The following ACBD6 variants were observed in gnomAD, a reference collection of about 807,000 sequenced individuals.
ACBD6 encodes the protein acyl-CoA-binding domain-containing protein 6.
A neutral mutation model predicts 37.2 loss-of-function variants in ACBD6; 28 were observed. The observed-to-expected ratio is 0.75, with a 90% CI of 0.56 to 1.03. The LOEUF is 1.03. Ranked by LOEUF, ACBD6 falls within the 50% of genes least tolerant of loss-of-function variation. The pLI, the probability that ACBD6 is intolerant of heterozygous loss-of-function variation, is 0.00. For missense variants in ACBD6, 340 were observed against 337.4 expected (o/e 1.01, Z -0.06); for synonymous variants, 113 against 126.8 (o/e 0.89, Z 0.73).
chr1:180,315,448 A>AC (rs1251216669), intron 6 of ACBD6, among the ~76,000 whole-genome samples: 1 of 152,258 alleles, frequency 6.6e-6, no homozygotes, highest in African/African-American at 2.4e-5. Flanking sequence ...TACACAAGTG[A>AC]AAAGCACAAT....
downstream of ACBD6, among the ~76,000 whole-genome samples, chr1:180,286,541 C>G (rs1649505580): frequency 6.6e-6 from 1 of 152,180 alleles, no homozygotes. Context: ...TTCACTATAA[C>G]TAATGTATGT....
intron 5 of ACBD6, among the ~76,000 whole-genome samples, chr1:180,400,394 T>G (rs537154312): frequency 6.6e-6 from 1 of 152,368 alleles, no homozygotes; most frequent in African/African-American, 2.4e-5. Context: ...ATTATTTTAA[T>G]GGTACACTAA....
chr1:180,364,526 G>T (rs1489808860), intron 6 of ACBD6, among the ~76,000 whole-genome samples: 6 of 152,200 alleles, frequency 3.9e-5, no homozygotes, highest in Admixed American at 3.9e-4. Context: ...GAACTAAAAC[G>T]AGAGTGAGTT....
chr1:180,429,025 T>C (rs1162864736), intron 4 of ACBD6, among the ~76,000 whole-genome samples: 5 of 152,166 alleles, frequency 3.3e-5, no homozygotes, highest in African/African-American at 1.2e-4. Flanking sequence ...AAGTTCTGAG[T>C]ACTTTCACTG....
intron 6 of ACBD6, among the ~76,000 whole-genome samples, chr1:180,362,696 G>C (rs1243101079): frequency 2.0e-5 from 3 of 152,038 alleles, no homozygotes; most frequent in Admixed American, 6.6e-5. Flanking sequence ...TGAGTTGTTA[G>C]GCCTTAAAAG....
intron 2 of ACBD6, among the ~76,000 whole-genome samples, chr1:180,494,173 G>GT (rs1186498055): frequency 6.6e-6 from 1 of 152,036 alleles, no homozygotes; most frequent in Non-Finnish European, 1.5e-5. Flanking sequence ...TTCCTCAATA[G>GT]TTTTTCTCTA....
intron 9 of ACBD6, chr1:180,276,510 A>G (rs988882255): frequency 3.3e-5 from 5 of 152,166 alleles, no homozygotes; most frequent in Admixed American, 2.6e-4. Flanking sequence ...ATGTTTATGG[A>G]TGATGTTGTG....
intron 4 of ACBD6, among the ~76,000 whole-genome samples, chr1:180,416,021 A>G (rs1274390710): frequency 6.6e-6 from 1 of 152,216 alleles, no homozygotes; most frequent in Non-Finnish European, 1.5e-5. Flanking sequence ...ACACATATAA[A>G]TTAAATACCA....
intron 3 of ACBD6, among the ~76,000 whole-genome samples, chr1:180,491,328 C>T (rs1651495322): frequency 6.6e-6 from 1 of 152,084 alleles, no homozygotes; most frequent in African/African-American, 2.4e-5. Flanking sequence ...CACTGAAATA[C>T]CTGTTAATCA....
chr1:180,325,285 G>A (rs1651215653), intron 6 of ACBD6, among the ~76,000 whole-genome samples: 1 of 151,848 alleles, frequency 6.6e-6, no homozygotes, highest in Non-Finnish European at 1.5e-5. Context: ...TTATTCTTTT[G>A]TTTCCTCTGT....
intron 3 of ACBD6, among the ~76,000 whole-genome samples, chr1:180,445,683 G>T (rs1649445008): frequency 6.6e-6 from 1 of 151,974 alleles, no homozygotes; most frequent in Admixed American, 6.6e-5. Flanking sequence ...CCAGCACTTT[G>T]AAAGGCTGAG....
At chr1:180,289,002 G>T (rs1649595375) in intron 7 of ACBD6, among the ~76,000 whole-genome samples, 1 of 134,686 alleles carries the variant, frequency 7.4e-6, no homozygotes, top group Non-Finnish European at 1.6e-5. Context: ...TTAAAAAAAA[G>T]CTGGCCCAGT....
chr1:180,473,619 C>T (rs1650661193), intron 3 of ACBD6, among the ~76,000 whole-genome samples: 1 of 152,040 alleles, frequency 6.6e-6, no homozygotes, highest in Non-Finnish European at 1.5e-5. Flanking sequence ...AAATTGTCCA[C>T]ACATTTTAAA....
chr1:180,271,681 C>A, exon 14 of ACBD6: 1 of 1,309,032 alleles, frequency 7.6e-7, no homozygotes, highest in Non-Finnish European at 1.1e-6. Flanking sequence ...AGTTCTGAGG[C>A]CCACCTGGGG....
intron 6 of ACBD6, among the ~76,000 whole-genome samples, chr1:180,393,085 GGT>G (rs1208270283): frequency 1.3e-5 from 2 of 151,980 alleles, no homozygotes; most frequent in East Asian, 3.9e-4. Flanking sequence ...GTCAGAGAAG[GGT>G]GTGTGTGTGT....
In ACBD6 at chr1:180,493,270, AAAAAAAAAC is replaced by A. The variant is rs1375730769; in HGVS notation, c.288-914_288-906del. 1.5e-4 allele frequency among the ~76,000 whole-genome samples: 19 copies of A among 127,234 alleles called. No individual in the cohort carries two copies. In the East Asian group the frequency reaches 1.8e-3, roughly 12 times the overall value. 83.5% of individuals were successfully genotyped at this position (127,234 alleles called of 152,430 possible). A position where few individuals can be genotyped will look rare whatever the true frequency, so the allele number is the denominator to read the frequency against. On this transcript the variant is annotated intron_variant, in intron 2 of 7. Coordinates refer to ENST00000367595, the MANE Select transcript of ACBD6 (RefSeq NM_032360.4). ...CTCAAAAAAAAAAAAAAAAAAAAAA[AAAAAAAAAC>A]AACAACAGCAACTAAAGAATACTAA...
chr1:180,300,235 T>C (rs1650080724), intron 7 of ACBD6, among the ~76,000 whole-genome samples: 1 of 152,180 alleles, frequency 6.6e-6, no homozygotes, highest in African/African-American at 2.4e-5. Context: ...TTTAGGAAAG[T>C]TCCAAGAGTA....
At chr1:180,440,522 G>A (rs1310698635) in intron 3 of ACBD6, among the ~76,000 whole-genome samples, 1 of 152,038 alleles carries the variant, frequency 6.6e-6, no homozygotes, top group Non-Finnish European at 1.5e-5. Flanking sequence ...ACAATATTGT[G>A]CAACCAACTG....
chr1:180,290,875 G>A (rs1227025296), intron 7 of ACBD6, among the ~76,000 whole-genome samples: 1 of 152,208 alleles, frequency 6.6e-6, no homozygotes, highest in African/African-American at 2.4e-5. Context: ...CCTTGAATCG[G>A]TCACACTAAG....
Sources: gnomAD v4.1 joint callset for allele counts (sites outside exome capture counted in the v4.1 genomes callset) on GRCh38, gnomAD v4.1.1 for gene constraint, MANE v1.5 for transcripts, NCBI Gene and HGNC (gene_info 2026-07-23, HGNC 2026-07-21) for gene names.